Variants in ABHD4 observed in about 807,000 individuals in gnomAD.
ABHD4 encodes the protein abhydrolase domain containing 4, N-acyl phospholipase B.
In ABHD4, 35 loss-of-function variants were observed where a neutral mutation model predicts 42.3. That is an observed-to-expected ratio of 0.83 (90% CI 0.63 to 1.10). The LOEUF is 1.10. Among genes scored for constraint, ABHD4 ranks in the 50% least tolerant of loss-of-function variants. ABHD4 has a pLI of 0.00. For synonymous variants in ABHD4, 169 were observed against 170.6 expected, an observed-to-expected ratio of 0.99 and a Z score of 0.07; for missense variants, 389 against 454.8, an observed-to-expected ratio of 0.86 and a Z score of 1.32.
intron 3 of ABHD4, 48 bp downstream of exon 3, chr14:22,603,810 C>T: frequency 2.5e-6 from 4 of 1,568,980 alleles, no homozygotes; most frequent in Non-Finnish European, 2.6e-6. Flanking sequence ...CCTGGCCTTA[C>T]TGGGAACTTT....
chr14:22,598,818 C>CG (rs2037248282), intron 1 of ABHD4: 1 of 220,348 alleles, frequency 4.5e-6, no homozygotes, highest in African/African-American at 2.3e-5. Flanking sequence ...TGTGGAACAA[C>CG]GGGCTTGCAA....
chr14:22,603,758 G>A lies in ABHD4; in HGVS notation c.481G>A (p.Asp161Asn), dbSNP rs779672961. The change falls in exon 3 of 7, where the codon GAT (aspartate) becomes AAT (asparagine). Residue 161 changes from aspartate (D) to asparagine (N), a missense_variant. Asp to Asn is a conservative substitution (Grantham distance 23). Coordinates refer to ENST00000428304, the MANE Select transcript of ABHD4 (RefSeq NM_022060.3). ...LATSYSIKYP[D>N]RVKHLILVDP... is the part of the protein sequence containing the mutation. Reference sequence around the variant, plus strand: ...CACTTCTTACTCAATCAAGTACCCTGATAGGTAATAAGGAGATGGCTCCAT... The same window carrying A: ...CACTTCTTACTCAATCAAGTACCCTAATAGGTAATAAGGAGATGGCTCCAT... 6.3e-7 allele frequency: 1 copy of A among 1,576,478 alleles called. No homozygotes were observed. Among genetic ancestry groups the A allele is most frequent in the South Asian group, 1.2e-5 (1 of 83,922 alleles).
At position 22,610,996 on chromosome 14, in the gene ABHD4, C is replaced by T. The variant is rs767115833; in HGVS notation, c.*48C>T. 3.3e-6 allele frequency: 5 copies of T among 1,533,462 alleles called. No individual in the cohort carries two copies. In the African/African-American group the frequency reaches 5.5e-5, roughly 17 times the overall value. 95.0% of individuals were successfully genotyped at this position (1,533,462 alleles called of 1,614,324 possible). Reference sequence around the variant, plus strand: ...GAGAAAGCCAGAGAGTCACTCTTACCTCCCTGTCTGCTTACTCACCCACTC... The same window carrying T: ...GAGAAAGCCAGAGAGTCACTCTTACTTCCCTGTCTGCTTACTCACCCACTC... On this transcript the variant is annotated 3_prime_UTR_variant, in exon 7 of 7. Coordinates refer to ENST00000428304, the MANE Select transcript of ABHD4 (RefSeq NM_022060.3).
At chr14:22,610,807 C>T (rs2037405829) in intron 6 of ABHD4, 52 bp from the exon 7 acceptor site, 2 of 1,466,474 alleles carry the variant, frequency 1.4e-6, no homozygotes, top group Admixed American at 3.3e-5. Flanking sequence ...TGAAGGCTTC[C>T]CAGCACCAGG....
At chr14:22,600,071 A>T (rs1594889714) in intron 1 of ABHD4, 1 of 413,590 alleles carries the variant, frequency 2.4e-6, no homozygotes, top group East Asian at 7.4e-5. Flanking sequence ...TATGTGCTTT[A>T]GATGCATTAA....
rs1251887091 is a variant in ABHD4 at position 22,598,736 on chromosome 14, G to A, written c.23+407G>A. The A allele has an allele frequency of 4.3e-5, 16 of 370,154 alleles. 2 individuals carry two copies. The highest frequency in any genetic ancestry group is 3.2e-4 in the South Asian group (15 of 46,682). 22.9% of individuals were successfully genotyped at this position (370,154 alleles called of 1,614,324 possible). Reference sequence around the variant, plus strand: ...AGAACGGCAGTCGTGGGGATGGAGAGAGCCTCCTCCCTCCGCCCGGCAAAG... The same window carrying A: ...AGAACGGCAGTCGTGGGGATGGAGAAAGCCTCCTCCCTCCGCCCGGCAAAG... On this transcript the variant is annotated intron_variant, in intron 1 of 6. Coordinates refer to ENST00000428304, the MANE Select transcript of ABHD4 (RefSeq NM_022060.3).
chr14:22,598,604 T>G, intron 1 of ABHD4: 1 of 787,902 alleles, frequency 1.3e-6, no homozygotes. Context: ...CATTCTCCTC[T>G]GGCCTCTGGA....
In ABHD4 at chr14:22,598,482, G is replaced by T. The variant is rs575382818; in HGVS notation, c.23+153G>T. The T allele has an allele frequency of 9.8e-6, 15 of 1,536,250 alleles. 1 individual carries two copies. In the South Asian group the frequency reaches 1.7e-4, roughly 17 times the overall value. ...AGGGCGGGGGGTGGGTGCGTTGCTT[G>T]CTTTGCATTTGCCCAGAAGAGGCAG... On this transcript the variant is annotated intron_variant, in intron 1 of 6. Transcript: ENST00000428304.
intron 5 of ABHD4, among the ~76,000 whole-genome samples, chr14:22,608,440 G>A (rs1432961856): frequency 2.0e-5 from 3 of 152,248 alleles, no homozygotes; most frequent in Non-Finnish European, 4.4e-5. Context: ...TGACCGGGGA[G>A]TGAAATAGAT....
rs994779677 is a variant in ABHD4, at chr14:22,611,036, C to A, written c.*88C>A. The A allele has an allele frequency of 1.5e-5, 18 of 1,188,336 alleles. No individual in the cohort carries two copies. The highest frequency in any genetic ancestry group is 2.2e-5 in the Non-Finnish European group (18 of 811,288). The allele number at this position is 1,188,336 out of a possible 1,614,324, so 73.6% of individuals were successfully genotyped here. On this transcript the variant is annotated 3_prime_UTR_variant, in exon 7 of 7. Transcript: ENST00000428304. ...CTCACCCACTCTGTCCTTTCCTCAC[C>A]AACTAACATGTGCCAGCCAGGCAGA...
At chr14:22,600,829 GGGGTGT>G (rs1168108680) in intron 1 of ABHD4, among the ~76,000 whole-genome samples, 24,259 of 124,218 alleles carry the variant, frequency 0.2, 2,155 homozygotes, top group African/African-American at 0.29. Context: ...GTCCAGCAGG[GGGGTGT>G]GTGTGTGTGT....
Position 22,603,370 on chromosome 14 carries a change from T to C in ABHD4, c.113-20T>C, listed in dbSNP as rs554289560. ...TCAGGAAACACTTATTGACTTACCA[T>C]GGGATTCTTTCCTCCCCAGGTCTCC... On this transcript the variant is annotated intron_variant, in intron 2 of 6. Coordinates refer to ENST00000428304, the MANE Select transcript of ABHD4 (RefSeq NM_022060.3). 3.1e-6 allele frequency: 5 copies of C among 1,613,956 alleles called. No homozygotes were observed. Among genetic ancestry groups the C allele is most frequent in the East Asian group, 4.5e-5 (2 of 44,884 alleles).
chr14:22,598,342 T>C lies in ABHD4; in HGVS notation c.23+13T>C, dbSNP rs1327042716. On this transcript the variant is annotated intron_variant, in intron 1 of 6. Transcript: ENST00000428304. Reference sequence around the variant, plus strand: ...ATCTGGAGCAGCAGTGAGTTAATCCTGTCCCTTTCTCTCTTTCTCTCTCTC... The same window carrying C: ...ATCTGGAGCAGCAGTGAGTTAATCCCGTCCCTTTCTCTCTTTCTCTCTCTC... 21 of 1,551,606 alleles carry C rather than the reference T, an allele frequency of 1.4e-5. No individual in the cohort carries two copies. The South Asian group carries it at 2.0e-4, about 15-fold the overall frequency.
chr14:22,605,698 T>C (rs758661981), intron 4 of ABHD4: 63 of 584,202 alleles, frequency 1.1e-4, no homozygotes, highest in Non-Finnish European at 1.5e-4. Context: ...CATGAGGGAC[T>C]ATGCAGGAGG....
intron 5 of ABHD4, 112 bp downstream of exon 5, chr14:22,606,645 A>G: frequency 4.3e-6 from 3 of 702,448 alleles, no homozygotes; most frequent in Non-Finnish European, 7.3e-6. Flanking sequence ...TGACTCAGTT[A>G]GGTAAACACA....
chr14:22,599,440 A>G (rs2037257299), intron 1 of ABHD4, among the ~76,000 whole-genome samples: 1 of 152,098 alleles, frequency 6.6e-6, no homozygotes, highest in African/African-American at 2.4e-5. Context: ...CATCAAGTTG[A>G]CAGAGACCGT....
chr14:22,609,268 G>A (rs1029295976), intron 5 of ABHD4, among the ~76,000 whole-genome samples: 44 of 148,448 alleles, frequency 3.0e-4, no homozygotes, highest in African/African-American at 9.8e-4. Flanking sequence ...AAAGTGCTGG[G>A]ATTACAGGTG....
In ABHD4 at chr14:22,601,034, C is replaced by A. The variant is rs1169854558; in HGVS notation, c.24-633C>A. Among the ~76,000 whole-genome samples, 3 of 152,138 alleles carry A rather than the reference C, an allele frequency of 2.0e-5. No homozygotes were observed. The East Asian group carries it at 5.8e-4, about 29-fold the overall frequency. On this transcript the variant is annotated intron_variant, in intron 1 of 6. Transcript: ENST00000428304. ...TCATTTTACAATCTAGAAAACAAGACCAGAGGGAACCTGTGTCCTGTCAGT... is the reference window on the plus strand; with the variant it reads ...TCATTTTACAATCTAGAAAACAAGAACAGAGGGAACCTGTGTCCTGTCAGT...
chr14:22,603,462 GC>G lies in ABHD4; in HGVS notation c.189del (p.Glu64SerfsTer9), dbSNP rs1307972525. 2.5e-6 allele frequency: 4 copies of G among 1,613,998 alleles called. No individual in the cohort carries two copies. The highest frequency in any genetic ancestry group is 3.4e-6 in the Non-Finnish European group (4 of 1,179,974). Reference protein sequence around the residue: ...NQNKIWTVTVSPEQNDRTPLV... With the variant: ...NQNKIWTVTVXPEQNDRTPLV... Reference sequence around the variant, plus strand: ...AATAAGATCTGGACGGTGACTGTGAGCCCCGAGCAAAACGACCGCACCCCCT... The same window carrying G: ...AATAAGATCTGGACGGTGACTGTGAGCCCGAGCAAAACGACCGCACCCCCT... On this transcript the variant is annotated frameshift_variant, in exon 3 of 7. Transcript: ENST00000428304. LOFTEE classifies it high-confidence loss of function.
Sources: allele counts gnomAD v4.1 joint callset (sites outside exome capture counted in the v4.1 genomes callset), GRCh38; gene constraint gnomAD v4.1.1; transcripts MANE v1.5; gene names NCBI Gene and HGNC (gene_info 2026-07-23, HGNC 2026-07-21).